The following PGS1 variants were observed in gnomAD, a reference collection of about 807,000 sequenced individuals.
PGS1 encodes the protein CDP-diacylglycerol--glycerol-3-phosphate 3-phosphatidyltransferase, mitochondrial.
Under a neutral mutation model 58.3 loss-of-function variants are expected in PGS1, and 44 were observed. That is an observed-to-expected ratio of 0.75 (90% CI 0.59 to 0.97). The LOEUF (loss-of-function observed/expected upper bound fraction) is 0.97, where lower values mean the gene tolerates loss of function less well. Among genes scored for constraint, PGS1 ranks in the 50% least tolerant of loss-of-function variants. PGS1 has a pLI of 0.00. For missense variants in PGS1, 684 were observed against 731.1 expected (o/e 0.94, Z 0.74); for synonymous variants, 330 against 311.0 (o/e 1.06, Z -0.64).
At chr17:78,408,112 G>GTCAA (rs2084313510) in intron 7 of PGS1, among the ~76,000 whole-genome samples, 1 of 45,318 alleles carries the variant, frequency 2.2e-5, no homozygotes, top group Non-Finnish European at 5.7e-5. Flanking sequence ...CTATCAATCA[G>GTCAA]TCAATCAGTC....
At chr17:78,379,393 C>T (rs1047262279) in intron 1 of PGS1, among the ~76,000 whole-genome samples, 3 of 152,136 alleles carry the variant, frequency 2.0e-5, no homozygotes, top group Admixed American at 6.5e-5. Flanking sequence ...TTCAAAGGGC[C>T]TGTGTTCTGG....
intron 8 of PGS1, 79 bp downstream of exon 8, chr17:78,415,106 C>A: frequency 6.6e-7 from 1 of 1,526,504 alleles, no homozygotes; most frequent in African/African-American, 1.4e-5. Flanking sequence ...TGTGGGGCTG[C>A]CCTGAGAGCT....
At position 78,398,326 on chromosome 17, in the gene PGS1, CTT is replaced by C; in HGVS notation, c.487_488del (p.Leu163ArgfsTer47). 1.2e-6 allele frequency: 2 copies of C among 1,613,934 alleles called. No homozygotes were observed. Among genetic ancestry groups the C allele is most frequent in the Non-Finnish European group, 1.7e-6 (2 of 1,179,822 alleles). ...CTTCAAATCTCAAGGTCTCCATTCT[CTT>C]AGACTTCACGCGGGGCTCACGAGGT... ...FPSNLKVSILLDFTRGSRGRK... is the reference protein window; with the variant it reads ...FPSNLKVSILXDFTRGSRGRK... On this transcript the variant is annotated frameshift_variant, in exon 4 of 10. Coordinates refer to ENST00000262764, the MANE Select transcript of PGS1 (RefSeq NM_024419.5). LOFTEE classifies it high-confidence loss of function.
At chr17:78,399,237 A>AT (rs1222912235) in intron 4 of PGS1, 111 bp from the exon 5 acceptor site, 1 of 787,156 alleles carries the variant, frequency 1.3e-6, no homozygotes, top group Non-Finnish European at 2.1e-6. Flanking sequence ...GGTGTGACTG[A>AT]TTCAGGTGGA....
Position 78,420,076 on chromosome 17 carries a change from G to A in PGS1, c.*10+401G>A. 2.8e-6 allele frequency: 3 copies of A among 1,057,328 alleles called. No homozygotes were observed. The South Asian group carries it at 9.0e-5, about 32-fold the overall frequency. 65.5% of individuals were successfully genotyped at this position (1,057,328 alleles called of 1,614,324 possible). On this transcript the variant is annotated intron_variant, in intron 9 of 9. Transcript: ENST00000262764. ...TGCAGGAGATGTAGACGTGGGAGGA[G>A]GGGAGCACGTTTGCTCGTGAGAGTG...
intron 7 of PGS1, among the ~76,000 whole-genome samples, chr17:78,410,028 T>G (rs763043416): frequency 6.6e-6 from 1 of 152,214 alleles, no homozygotes; most frequent in Non-Finnish European, 1.5e-5. Flanking sequence ...TGAGAATCAC[T>G]TGAACCTGGG....
intron 1 of PGS1, among the ~76,000 whole-genome samples, chr17:78,392,159 C>T (rs188003098): frequency 6.6e-6 from 1 of 152,206 alleles, no homozygotes; most frequent in East Asian, 1.9e-4. Flanking sequence ...TATGAGTTTA[C>T]TTGTGGATGC....
At chr17:78,379,800 G>T (rs1031893363) in intron 1 of PGS1, among the ~76,000 whole-genome samples, 1 of 151,244 alleles carries the variant, frequency 6.6e-6, no homozygotes, top group African/African-American at 2.4e-5. Flanking sequence ...TTGCACTCCA[G>T]CCTAGGCAAC....
Position 78,399,460 on chromosome 17 carries a change from C to G in PGS1, c.624C>G (p.Ile208Met). 1.9e-6 allele frequency: 3 copies of G among 1,614,206 alleles called. No individual in the cohort carries two copies. The highest frequency in any genetic ancestry group is 2.5e-6 in the Non-Finnish European group (3 of 1,180,028). The change falls in exon 5 of 10, where the codon ATC becomes ATG. Residue 208 changes from isoleucine (I) to methionine (M), a missense_variant. Coordinates refer to ENST00000262764, the MANE Select transcript of PGS1 (RefSeq NM_024419.5). ...PHLRGLLRLLIPERFNETIGL... is the reference protein window; with the variant it reads ...PHLRGLLRLLMPERFNETIGL... Reference sequence around the variant, plus strand: ...TCCGTGGGCTGCTTCGGCTCCTCATCCCTGAGCGCTTCAACGAGACCATCG... The same window carrying G: ...TCCGTGGGCTGCTTCGGCTCCTCATGCCTGAGCGCTTCAACGAGACCATCG...
intron 7 of PGS1, among the ~76,000 whole-genome samples, chr17:78,411,000 C>G (rs746659682): frequency 1.8e-4 from 27 of 152,124 alleles, no homozygotes; most frequent in South Asian, 4.1e-4. Context: ...CTACAAATAT[C>G]GGAACGAGCT....
At chr17:78,391,349 G>A (rs930359009) in intron 1 of PGS1, among the ~76,000 whole-genome samples, 1 of 152,124 alleles carries the variant, frequency 6.6e-6, no homozygotes, top group African/African-American at 2.4e-5. Context: ...ACAGGGTCTC[G>A]CTGTGCCACC....
In PGS1 at chr17:78,424,185, T is replaced by G. The variant is rs370086190; in HGVS notation, c.*135T>G. On this transcript the variant is annotated 3_prime_UTR_variant, in exon 10 of 10. Transcript: ENST00000262764. ...GGACAGTATGGCTGAGGGTCAGGTGTGCTGCCAGTAAGTGAGGGAGGGGCT... is the reference window on the plus strand; with the variant it reads ...GGACAGTATGGCTGAGGGTCAGGTGGGCTGCCAGTAAGTGAGGGAGGGGCT... 8 of 1,584,232 alleles carry G rather than the reference T, an allele frequency of 5.0e-6. No individual in the cohort carries two copies. In the African/African-American group the frequency reaches 9.4e-5, roughly 19 times the overall value.
At position 78,420,086 on chromosome 17, in the gene PGS1, T is replaced by A. The variant is rs138989585; in HGVS notation, c.*10+411T>A. 3.8e-4 allele frequency: 401 copies of A among 1,055,620 alleles called. 3 individuals are homozygous for A. In the African/African-American group the frequency reaches 6.5e-3, roughly 17 times the overall value. The allele number at this position is 1,055,620 out of a possible 1,614,324, so 65.4% of individuals were successfully genotyped here. On this transcript the variant is annotated intron_variant, in intron 9 of 9. Transcript: ENST00000262764. ...GTAGACGTGGGAGGAGGGGAGCACGTTTGCTCGTGAGAGTGGCTCTGGCTT... is the reference window on the plus strand; with the variant it reads ...GTAGACGTGGGAGGAGGGGAGCACGATTGCTCGTGAGAGTGGCTCTGGCTT...
chr17:78,378,786 A>C lies in PGS1; in HGVS notation c.121A>C (p.Asn41His), dbSNP rs988180128. The change falls in exon 1 of 10, where the codon AAC (asparagine) becomes CAC (histidine). Residue 41 changes from asparagine (N) to histidine (H), a missense_variant. Coordinates refer to ENST00000262764, the MANE Select transcript of PGS1 (RefSeq NM_024419.5). ...ACGCCTGTCCGACCGCCTCGGCAGG[A>C]ACCGGGACCGCCAGCGCAGGAGGTG... ...LGRLSDRLGR[N>H]RDRQRRRSPW... The C allele has an allele frequency of 1.4e-6, 2 of 1,481,252 alleles. No homozygotes were observed. Among genetic ancestry groups the C allele is most frequent in the Non-Finnish European group, 1.8e-6 (2 of 1,123,338 alleles). The allele number at this position is 1,481,252 out of a possible 1,614,324, so 91.8% of individuals were successfully genotyped here.
At chr17:78,418,310 AAACT>A (rs755430939) in intron 8 of PGS1, among the ~76,000 whole-genome samples, 3 of 152,208 alleles carry the variant, frequency 2.0e-5, no homozygotes, top group Non-Finnish European at 2.9e-5. Context: ...AAACGGAAAG[AAACT>A]AACCCTTTCT....
intron 9 of PGS1, chr17:78,419,973 T>A: frequency 4.2e-6 from 5 of 1,178,528 alleles, no homozygotes; most frequent in Non-Finnish European, 5.3e-6. Context: ...CAGGGGGTCC[T>A]GAAGAAGCCC....
chr17:78,391,163 A>G (rs11657860), intron 1 of PGS1, among the ~76,000 whole-genome samples: 70,728 of 151,924 alleles, frequency 0.47, 17,018 homozygotes, highest in Admixed American at 0.53. Context: ...GGCTAGGCTT[A>G]TCTTGAACTA....
At chr17:78,398,205 A>T (rs776890768) in intron 3 of PGS1, 47 bp from the exon 4 acceptor site, 3 of 1,341,588 alleles carry the variant, frequency 2.2e-6, no homozygotes, top group Non-Finnish European at 3.2e-6. Context: ...TTAAATACAC[A>T]CACCTCTTTG....
intron 1 of PGS1, chr17:78,381,018 G>C (rs1283836460): frequency 6.6e-6 from 1 of 152,038 alleles, no homozygotes; most frequent in Non-Finnish European, 1.5e-5. Flanking sequence ...GCTAATTTTT[G>C]TATCTTTAGT....
Sources: allele counts gnomAD v4.1 joint callset (sites outside exome capture counted in the v4.1 genomes callset), GRCh38; gene constraint gnomAD v4.1.1; transcripts MANE v1.5; gene names NCBI Gene and HGNC (gene_info 2026-07-23, HGNC 2026-07-21).